The following TLE1 variants were observed in gnomAD, a reference collection of about 807,000 sequenced individuals.
TLE1 encodes TLE family member 1, transcriptional corepressor, also known as transducin-like enhancer protein 1.
In TLE1, 21 loss-of-function variants were observed where a neutral mutation model predicts 89.8. The observed-to-expected ratio is 0.23, with a 90% confidence interval of 0.17 to 0.34. The LOEUF (loss-of-function observed/expected upper bound fraction) is 0.34. Ranked by LOEUF, TLE1 falls within the 10% of genes least tolerant of loss-of-function variation. The pLI is 1.00. For synonymous variants in TLE1, 447 were observed against 407.6 expected, an observed-to-expected ratio of 1.10 and a Z score of -1.16; for missense variants, 795 against 1,031.2, an observed-to-expected ratio of 0.77 and a Z score of 3.14.
At chr9:81,592,898 C>A in intron 15 of TLE1, 127 bp downstream of exon 15, 1 of 1,354,626 alleles carries the variant, frequency 7.4e-7, no homozygotes, top group Non-Finnish European at 9.8e-7. Flanking sequence ...GGTTAAATAA[C>A]CAACACAGGA....
At chr9:81,674,109 T>C (rs529995219) in intron 4 of TLE1, among the ~76,000 whole-genome samples, 50 of 152,332 alleles carry the variant, frequency 3.3e-4, no homozygotes, top group African/African-American at 1.1e-3. Flanking sequence ...AGCCATCAAC[T>C]AGATGTTCCC....
chr9:81,670,688 A>G lies in TLE1; in HGVS notation c.234+14988T>C, dbSNP rs756019706. On this transcript the variant is annotated intron_variant, in intron 4 of 19. Transcript: ENST00000376499. ...CTTATTAACTTTGAGCAATTTCAGC[A>G]CTTTGAGAGTTCCAGAAGCTAATCA... Among the ~76,000 whole-genome samples the G allele has an allele frequency of 1.9e-4, 29 of 149,256 alleles. 1 individual carries two copies. Among genetic ancestry groups the G allele is most frequent in the Non-Finnish European group, 4.1e-4 (28 of 67,806 alleles).
chr9:81,647,402 T>C (rs761074510), intron 6 of TLE1, among the ~76,000 whole-genome samples: 7 of 152,228 alleles, frequency 4.6e-5, no homozygotes, highest in Non-Finnish European at 1.0e-4. Context: ...CATCAAAAGC[T>C]AAATGGCCAT....
intron 14 of TLE1, among the ~76,000 whole-genome samples, chr9:81,598,160 C>A (rs1489476221): frequency 1.3e-5 from 2 of 152,158 alleles, no homozygotes; most frequent in African/African-American, 2.4e-5. Context: ...TTCATTCGCT[C>A]TTCAAGCTCT....
intron 4 of TLE1, among the ~76,000 whole-genome samples, chr9:81,656,529 C>G (rs1830168389): frequency 6.6e-6 from 1 of 152,158 alleles, no homozygotes; most frequent in Non-Finnish European, 1.5e-5. Context: ...TAACCCTGAG[C>G]CCATCATCCA....
At chr9:81,669,016 C>A (rs1043845066) in intron 4 of TLE1, among the ~76,000 whole-genome samples, 1 of 152,140 alleles carries the variant, frequency 6.6e-6, no homozygotes, top group South Asian at 2.1e-4. Flanking sequence ...CCCACAGCAC[C>A]AGAAACCAAA....
At chr9:81,669,461 A>T (rs1472099446) in intron 4 of TLE1, among the ~76,000 whole-genome samples, 1 of 152,266 alleles carries the variant, frequency 6.6e-6, no homozygotes, top group Non-Finnish European at 1.5e-5. Context: ...TTAGATCATC[A>T]GCTGAAGTCT....
At chr9:81,641,798 G>A (rs935924305) in intron 6 of TLE1, among the ~76,000 whole-genome samples, 3 of 152,188 alleles carry the variant, frequency 2.0e-5, no homozygotes, top group Admixed American at 6.5e-5. Context: ...CGAGGTGGAC[G>A]GATCACCTGA....
intron 8 of TLE1, among the ~76,000 whole-genome samples, chr9:81,627,090 G>C (rs1475383768): frequency 1.3e-5 from 2 of 152,052 alleles, no homozygotes; most frequent in Non-Finnish European, 2.9e-5. Context: ...AAAGCCATTA[G>C]GTCAGGACTT....
intron 6 of TLE1, among the ~76,000 whole-genome samples, chr9:81,645,800 C>G (rs1275726638): frequency 3.3e-5 from 5 of 152,044 alleles, no homozygotes; most frequent in Non-Finnish European, 7.4e-5. Context: ...ATAGATACCC[C>G]ATTCTTTATG....
At chr9:81,603,112 C>G (rs934282022) in intron 14 of TLE1, among the ~76,000 whole-genome samples, 1 of 152,202 alleles carries the variant, frequency 6.6e-6, no homozygotes, top group Non-Finnish European at 1.5e-5. Flanking sequence ...ACATGCTGCT[C>G]TCTCCACCTA....
chr9:81,677,724 G>A (rs1426309238), intron 4 of TLE1, among the ~76,000 whole-genome samples: 3 of 152,106 alleles, frequency 2.0e-5, no homozygotes, highest in Non-Finnish European at 4.4e-5. Flanking sequence ...ATGTATTTCA[G>A]TAGTTTGACA....
Position 81,677,317 on chromosome 9 carries a change from G to T in TLE1, c.234+8359C>A, listed in dbSNP as rs532306155. ...GCAGTGGCTCACACCTGTAATCCCA[G>T]CACTTTGGGAGGCTGAGGTGGGCAG... On this transcript the variant is annotated intron_variant, in intron 4 of 19. Coordinates refer to ENST00000376499, the MANE Select transcript of TLE1 (RefSeq NM_005077.5). Among the ~76,000 whole-genome samples the T allele has an allele frequency of 3.3e-5, 5 of 151,724 alleles. No homozygotes were observed. In the South Asian group the frequency reaches 1.0e-3, roughly 32 times the overall value.
At chr9:81,612,306 A>C in intron 12 of TLE1, 1 of 1,056,400 alleles carries the variant, frequency 9.5e-7, no homozygotes, top group Non-Finnish European at 1.1e-6. Context: ...CTTAATCTCA[A>C]AAGAAGATTT....
chr9:81,641,550 T>C (rs1828118067), intron 6 of TLE1, among the ~76,000 whole-genome samples: 1 of 151,690 alleles, frequency 6.6e-6, no homozygotes, highest in Non-Finnish European at 1.5e-5. Flanking sequence ...CAAATAAGAG[T>C]TAACATCCAA....
At chr9:81,641,621 C>T (rs976413212) in intron 6 of TLE1, among the ~76,000 whole-genome samples, 2 of 152,062 alleles carry the variant, frequency 1.3e-5, no homozygotes, top group African/African-American at 2.4e-5. Flanking sequence ...GGCAAAGGAC[C>T]TCCTGAACAG....
At chr9:81,588,348 C>G (rs1416888646) in intron 16 of TLE1, among the ~76,000 whole-genome samples, 1 of 152,132 alleles carries the variant, frequency 6.6e-6, no homozygotes, top group Non-Finnish European at 1.5e-5. Flanking sequence ...GCCCTACGTG[C>G]CAACAGAGCA....
intron 5 of TLE1, among the ~76,000 whole-genome samples, chr9:81,653,207 G>T (rs561372131): frequency 6.6e-6 from 1 of 152,298 alleles, no homozygotes; most frequent in Admixed American, 6.5e-5. Flanking sequence ...TGACCATCCG[G>T]CATGGAGCAA....
In TLE1 at chr9:81,679,305, T is replaced by C. The variant is rs1445165499; in HGVS notation, c.234+6371A>G. Among the ~76,000 whole-genome samples, 8 of 16,464 alleles carry C rather than the reference T, an allele frequency of 4.9e-4. No individual in the cohort carries two copies. The East Asian group carries it at 0.039, about 81-fold the overall frequency. 10.8% of individuals were successfully genotyped at this position (16,464 alleles called of 152,430 possible). ...AATAATTTTAAAAATTTTTCTTCAC[T>C]TTTTTTTCTTTTTTTTTCCCCTGTG... On this transcript the variant is annotated intron_variant, in intron 4 of 19. Transcript: ENST00000376499.
Sources: allele counts gnomAD v4.1 joint callset (sites outside exome capture counted in the v4.1 genomes callset), GRCh38; gene constraint gnomAD v4.1.1; transcripts MANE v1.5; gene names NCBI Gene and HGNC (gene_info 2026-07-23, HGNC 2026-07-21).